MMAA: variants seen among roughly 807,000 people sequenced by gnomAD.
The protein encoded by MMAA is methylmalonic aciduria type A protein, mitochondrial.
Under a neutral mutation model 45.0 loss-of-function variants are expected in MMAA, and 41 were observed. The observed-to-expected ratio is 0.91, with a 90% CI of 0.71 to 1.18. The LOEUF is 1.18. MMAA is among the 50% of genes most tolerant of loss of function. The pLI, the probability that MMAA is intolerant of heterozygous loss-of-function variation, is 0.00. For synonymous variants in MMAA, 154 were observed against 178.2 expected (o/e 0.86, Z 1.08); for missense variants, 460 against 495.7 (o/e 0.93, Z 0.68).
chr4:145,624,355 T>C lies in MMAA; in HGVS notation c.-66+4948T>C, dbSNP rs191214233. 1.9e-3 allele frequency: 1,505 copies of C among 783,746 alleles called. 5 individuals carry two copies. Among genetic ancestry groups the C allele is most frequent in the Middle Eastern group, 0.015 (48 of 3,270 alleles). The allele number at this position is 783,746 out of a possible 1,614,324, so 48.5% of individuals were successfully genotyped here. On this transcript the variant is annotated intron_variant, in intron 1 of 6. Transcript: ENST00000649156. ...TTGTCTTCTCCAGAGGATAGCTGGC[T>C]GAGGTTGCCCATCTTCTTTCCCAGC...
intron 6 of MMAA, 23 bp downstream of exon 6, chr4:145,654,166 T>C (rs538710234): frequency 6.2e-7 from 1 of 1,613,960 alleles, no homozygotes; most frequent in East Asian, 2.2e-5. Context: ...GCATTCTGTA[T>C]CTTTCACTCT....
chr4:145,646,380 A>T (rs1367441899), intron 4 of MMAA: 1 of 517,750 alleles, frequency 1.9e-6, no homozygotes, highest in Non-Finnish European at 3.4e-6. Flanking sequence ...GATAACTGTT[A>T]TACAGGTGGT....
rs529939527 is a variant in MMAA, at chr4:145,638,080, A to T, written c.-65-995A>T. On this transcript the variant is annotated intron_variant, in intron 1 of 6. Transcript: ENST00000649156. ...ATATCAGTATATCATCATAAAAAAGATCCTTATGGCCGGGCGTGGGGGCTC... is the reference window on the plus strand; with the variant it reads ...ATATCAGTATATCATCATAAAAAAGTTCCTTATGGCCGGGCGTGGGGGCTC... Among the ~76,000 whole-genome samples, 7 of 152,298 alleles carry T rather than the reference A, an allele frequency of 4.6e-5. No homozygotes were observed. The East Asian group carries it at 1.2e-3, about 25-fold the overall frequency.
intron 5 of MMAA, among the ~76,000 whole-genome samples, chr4:145,653,749 C>T (rs1728156132): frequency 6.6e-6 from 1 of 152,068 alleles, no homozygotes; most frequent in South Asian, 2.1e-4. Context: ...ATGTATTTAC[C>T]CTAATTCTGA....
intron 3 of MMAA, 168 bp downstream of exon 3, chr4:145,642,653 G>A: frequency 1.0e-6 from 1 of 952,958 alleles, no homozygotes; most frequent in Non-Finnish European, 1.6e-6. Flanking sequence ...TAGTTTGGGA[G>A]TGTTGTACTC....
intron 1 of MMAA, among the ~76,000 whole-genome samples, chr4:145,632,514 C>G (rs960728307): frequency 6.6e-6 from 1 of 152,168 alleles, no homozygotes; most frequent in Non-Finnish European, 1.5e-5. Context: ...GATCTGTAAA[C>G]TTCTTGTACT....
rs1163430037 is a variant in MMAA, at chr4:145,624,755, A to G, written c.-66+5348A>G. 9 of 1,598,274 alleles carry G rather than the reference A, an allele frequency of 5.6e-6. No individual in the cohort carries two copies. In the African/African-American group the frequency reaches 1.2e-4, roughly 21 times the overall value. ...GCCACTTATACAGAGCCTTCTCCTC[A>G]CAATTCTCATCATACACGCACTCTG... On this transcript the variant is annotated intron_variant, in intron 1 of 6. Transcript: ENST00000649156.
intron 1 of MMAA, chr4:145,624,188 A>G: frequency 2.3e-6 from 2 of 873,748 alleles, no homozygotes; most frequent in Non-Finnish European, 2.0e-6. Flanking sequence ...TGATATAACC[A>G]CTTCTTTTTA....
At chr4:145,645,675 C>T (rs931774364) in intron 3 of MMAA, among the ~76,000 whole-genome samples, 1 of 152,130 alleles carries the variant, frequency 6.6e-6, no homozygotes, top group African/African-American at 2.4e-5. Flanking sequence ...AGTAAAGTAA[C>T]CACCCTGGTT....
At chr4:145,624,910 C>T (rs1734168786) in intron 1 of MMAA, 1 of 1,513,320 alleles carries the variant, frequency 6.6e-7, no homozygotes, top group South Asian at 1.1e-5. Flanking sequence ...CCCAAGTGGT[C>T]ATGCAGGCAC....
chr4:145,632,728 A>G (rs1265556331), intron 1 of MMAA, among the ~76,000 whole-genome samples: 1 of 147,534 alleles, frequency 6.8e-6, no homozygotes. Context: ...CTCACTGTGT[A>G]TTTTCAAATA....
rs904441170 is a variant in MMAA at position 145,642,713 on chromosome 4, C to A, written c.562+228C>A. The A allele has an allele frequency of 1.9e-5, 10 of 535,620 alleles. No individual in the cohort carries two copies. In the East Asian group the frequency reaches 3.5e-4, roughly 19 times the overall value. The allele number at this position is 535,620 out of a possible 1,614,324, so 33.2% of individuals were successfully genotyped here. A position where few individuals can be genotyped will look rare whatever the true frequency, so the allele number is the denominator to read the frequency against. On this transcript the variant is annotated intron_variant, in intron 3 of 6. Coordinates refer to ENST00000649156, the MANE Select transcript of MMAA (RefSeq NM_172250.3). Reference sequence around the variant, plus strand: ...AGCTCAGTGGGCACTCAGAAAACTGCGACAACAGGTGCCAGAAGTTGAAGA... The same window carrying A: ...AGCTCAGTGGGCACTCAGAAAACTGAGACAACAGGTGCCAGAAGTTGAAGA...
intron 3 of MMAA, 85 bp downstream of exon 3, chr4:145,642,570 C>T (rs183167526): frequency 3.2e-5 from 50 of 1,567,826 alleles, no homozygotes; most frequent in Non-Finnish European, 4.2e-5. Flanking sequence ...GTTGGGTGAC[C>T]TCTAACTGCT....
chr4:145,620,780 C>T (rs1734074260), intron 1 of MMAA, among the ~76,000 whole-genome samples: 1 of 151,988 alleles, frequency 6.6e-6, no homozygotes, highest in Non-Finnish European at 1.5e-5. Context: ...AGATTTTAAG[C>T]TGGGTAGTAT....
chr4:145,647,633 G>A (rs573290277), intron 4 of MMAA, among the ~76,000 whole-genome samples: 2 of 152,254 alleles, frequency 1.3e-5, no homozygotes, highest in South Asian at 2.1e-4. Flanking sequence ...CCTTTGTCTT[G>A]TAGATAGATG....
chr4:145,655,615 A>G lies in MMAA; in HGVS notation c.*181A>G, dbSNP rs927076777. 6.8e-6 allele frequency: 4 copies of G among 591,190 alleles called. No homozygotes were observed. The highest frequency in any genetic ancestry group is 1.2e-5 in the Non-Finnish European group (4 of 343,712). 36.6% of individuals were successfully genotyped at this position (591,190 alleles called of 1,614,324 possible). The stretch of plus-strand genomic sequence containing the variant: ...GAATGGCAAAAGTTAGGCAGTATTT[A>G]TAAGGTACCTGTTTTATGTTACTGA... On this transcript the variant is annotated 3_prime_UTR_variant, in exon 7 of 7. Transcript: ENST00000649156.
rs72723822 is a variant in MMAA at position 145,654,931 on chromosome 4, A to T, written c.970-216A>T. Among the ~76,000 whole-genome samples, 8,148 of 152,252 alleles carry T rather than the reference A, an allele frequency of 0.054. 292 individuals are homozygous for T. Among genetic ancestry groups the T allele is most frequent in the South Asian group, 0.15 (711 of 4,822 alleles). On this transcript the variant is annotated intron_variant, in intron 6 of 6. Transcript: ENST00000649156. The stretch of plus-strand genomic sequence containing the variant: ...TCTCTGGGCTTAAAATTTGACCTTG[A>T]ATCAGTGTTTTATTTCTGCTATGCA...
intron 1 of MMAA, chr4:145,625,120 G>A: frequency 8.9e-7 from 1 of 1,119,238 alleles, no homozygotes; most frequent in Non-Finnish European, 1.4e-6. Context: ...AATCTGATAG[G>A]TTCATCTCAT....
In MMAA at chr4:145,628,793, T is replaced by A. The variant is rs141504432; in HGVS notation, c.-66+9386T>A. On this transcript the variant is annotated intron_variant, in intron 1 of 6. Coordinates refer to ENST00000649156, the MANE Select transcript of MMAA (RefSeq NM_172250.3). Reference sequence around the variant, plus strand: ...TGCTGTTTTTAAAAAAGCAGAAATATGTGGTCAGCCAAAAAACAACATAAA... The same window carrying A: ...TGCTGTTTTTAAAAAAGCAGAAATAAGTGGTCAGCCAAAAAACAACATAAA... 2.9e-3 allele frequency among the ~76,000 whole-genome samples: 448 copies of A among 152,278 alleles called. 1 individual carries two copies. Among genetic ancestry groups the A allele is most frequent in the Non-Finnish European group, 4.4e-3 (297 of 68,014 alleles).
Sources: gnomAD v4.1 joint callset for allele counts (sites outside exome capture counted in the v4.1 genomes callset) on GRCh38, gnomAD v4.1.1 for gene constraint, MANE v1.5 for transcripts, NCBI Gene and HGNC (gene_info 2026-07-23, HGNC 2026-07-21) for gene names.